The following PRKCZ variants were observed in gnomAD, a reference collection of about 807,000 sequenced individuals.
The protein encoded by PRKCZ is protein kinase C zeta, also known as protein kinase C zeta type.
A neutral mutation model predicts 79.5 loss-of-function variants in PRKCZ; 33 were observed. That is an observed-to-expected ratio of 0.41 (90% CI 0.31 to 0.55). PRKCZ has a LOEUF of 0.55. Among genes scored for constraint, PRKCZ ranks in the 20% least tolerant of loss-of-function variants. PRKCZ has a pLI of 0.19. For missense variants in PRKCZ, 578 were observed against 813.5 expected (o/e 0.71, Z 3.52); for synonymous variants, 342 against 320.9 (o/e 1.07, Z -0.70).
At chr1:2,169,666 C>G in intron 11 of PRKCZ, 62 bp downstream of exon 11, 10 of 444,762 alleles carry the variant, frequency 2.2e-5, no homozygotes, top group Non-Finnish European at 3.3e-5. Flanking sequence ...TGGGTGCGTG[C>G]GGTGTTGGGG....
rs139801268 is a variant in PRKCZ at position 2,160,874 on chromosome 1, G to A, written c.974+4782G>A. ...CGCCCCGCCGGGGGTGATTGTGGTT[G>A]TGGGTGTGTGAGAAAGAGGTGAGGG... On this transcript the variant is annotated intron_variant, in intron 10 of 17. Transcript: ENST00000378567. 3.4e-3 allele frequency among the ~76,000 whole-genome samples: 515 copies of A among 152,258 alleles called. 4 individuals carry two copies. Among genetic ancestry groups the A allele is most frequent in the African/African-American group, 0.012 (487 of 41,550 alleles).
At chr1:2,071,491 A>G (rs972913525) in intron 4 of PRKCZ, 40 of 196,064 alleles carry the variant, frequency 2.0e-4, no homozygotes, top group Admixed American at 1.0e-3. Flanking sequence ...ATTCCCTGGT[A>G]TTTATAGGTA....
intron 4 of PRKCZ, among the ~76,000 whole-genome samples, chr1:2,087,796 T>C (rs1008368819): frequency 6.6e-6 from 1 of 152,114 alleles, no homozygotes; most frequent in Non-Finnish European, 1.5e-5. Context: ...TAACAGAAAA[T>C]GCCCGACTCT....
intron 10 of PRKCZ, among the ~76,000 whole-genome samples, chr1:2,163,737 A>G (rs1342828875): frequency 6.7e-6 from 1 of 150,016 alleles, no homozygotes; most frequent in African/African-American, 2.4e-5. Context: ...AAAAATACAA[A>G]AAAAAAAAAA....
chr1:2,161,626 C>T (rs989157768), intron 10 of PRKCZ, among the ~76,000 whole-genome samples: 1 of 152,166 alleles, frequency 6.6e-6, no homozygotes, highest in Non-Finnish European at 1.5e-5. Flanking sequence ...AGGCACTGGC[C>T]GCTCTTAGAA....
intron 16 of PRKCZ, among the ~76,000 whole-genome samples, chr1:2,179,787 C>G (rs1356504935): frequency 2.0e-5 from 3 of 152,130 alleles, no homozygotes; most frequent in Non-Finnish European, 4.4e-5. Flanking sequence ...GACTCTAATG[C>G]TTCGTGTGGT....
chr1:2,172,367 A>G lies in PRKCZ; in HGVS notation c.1264A>G (p.Ile422Val), dbSNP rs748597750. ...CGTPNYIAPE[I>V]LRGEEYGFSV... is the part of the protein sequence containing the mutation. ...AACCCCGAATTACATCGCCCCCGAA[A>G]TCCTGCGGGGAGAGGAGTACGGTGA... is the stretch of plus-strand genomic sequence containing the variant. The change falls in exon 13 of 18, where the codon ATC becomes GTC. Residue 422 changes from isoleucine (I) to valine (V), a missense_variant. By Grantham distance (29) the Ile-to-Val change is conservative. Transcript: ENST00000378567. This position sits in a 1 kb window ranked among gnomAD's most constrained non-coding sequence, Gnocchi z 7.8. 6.2e-7 allele frequency: 1 copy of G among 1,613,290 alleles called. No homozygotes were observed. Among genetic ancestry groups the G allele is most frequent in the South Asian group, 1.1e-5 (1 of 91,064 alleles).
intron 4 of PRKCZ, chr1:2,104,853 G>C (rs1668107645): frequency 1.0e-6 from 1 of 985,580 alleles, no homozygotes; most frequent in Non-Finnish European, 1.2e-6. Flanking sequence ...GCGGGGACTG[G>C]TGAGTGTGTG....
intron 4 of PRKCZ, among the ~76,000 whole-genome samples, chr1:2,098,133 A>G (rs114132219): frequency 1.2e-4 from 1 of 8,044 alleles, no homozygotes; most frequent in East Asian, 5.2e-3. Context: ...GTGACTAAGG[A>G]CAGAGCAGGT....
intron 10 of PRKCZ, chr1:2,169,226 TC>T: frequency 2.0e-6 from 1 of 490,990 alleles, no homozygotes; most frequent in Non-Finnish European, 4.0e-6. Context: ...ACGGGCCACC[TC>T]CTTCATTCCG....
chr1:2,073,873 G>A (rs1186943845), intron 4 of PRKCZ: 27 of 1,093,162 alleles, frequency 2.5e-5, no homozygotes, highest in South Asian at 9.5e-5. Context: ...CTCCCTGCAC[G>A]CCCGCCGCGC....
At chr1:2,060,672 G>A (rs538823513) in intron 4 of PRKCZ, among the ~76,000 whole-genome samples, 2 of 152,256 alleles carry the variant, frequency 1.3e-5, no homozygotes, top group Admixed American at 6.5e-5. Flanking sequence ...CGGCAAGGCC[G>A]AGGAGCCATC....
At chr1:2,131,489 G>C (rs903349693) in intron 4 of PRKCZ, among the ~76,000 whole-genome samples, 7 of 152,130 alleles carry the variant, frequency 4.6e-5, no homozygotes, top group Admixed American at 1.3e-4. Flanking sequence ...AAAGTGAGAT[G>C]GGATATTTGA....
chr1:2,062,894 A>G (rs1236540768), intron 4 of PRKCZ, among the ~76,000 whole-genome samples: 4 of 152,008 alleles, frequency 2.6e-5, no homozygotes, highest in Admixed American at 6.6e-5. Context: ...TCATCTTCCC[A>G]GACTCAGCCT....
intron 4 of PRKCZ, among the ~76,000 whole-genome samples, chr1:2,112,660 C>T (rs932819217): frequency 1.1e-4 from 16 of 142,886 alleles, no homozygotes; most frequent in African/African-American, 4.3e-4. Flanking sequence ...AGTTGCAGTT[C>T]CGTTTTTTTG....
intron 4 of PRKCZ, among the ~76,000 whole-genome samples, chr1:2,124,635 G>A (rs980881048): frequency 6.6e-6 from 1 of 152,132 alleles, no homozygotes; most frequent in Non-Finnish European, 1.5e-5. Flanking sequence ...CACTTAAGCC[G>A]CCCAGTCTGT....
chr1:2,126,711 A>G (rs1355005759), intron 4 of PRKCZ, among the ~76,000 whole-genome samples: 3 of 152,160 alleles, frequency 2.0e-5, no homozygotes, highest in Non-Finnish European at 4.4e-5. Context: ...CTCCACCACG[A>G]GGGGACCTGA....
At chr1:2,098,253 G>A (rs962175947) in intron 4 of PRKCZ, 2 of 152,254 alleles carry the variant, frequency 1.3e-5, no homozygotes, top group South Asian at 4.1e-4. Context: ...TAACCATACG[G>A]ATACATTGCT....
intron 4 of PRKCZ, among the ~76,000 whole-genome samples, chr1:2,069,830 T>C (rs1661421607): frequency 1.3e-5 from 2 of 152,196 alleles, no homozygotes; most frequent in Non-Finnish European, 2.9e-5. Flanking sequence ...CTGCTGCTGC[T>C]GCAATCCAGA....
Sources: allele counts gnomAD v4.1 joint callset (sites outside exome capture counted in the v4.1 genomes callset), GRCh38; gene constraint gnomAD v4.1.1; non-coding constraint Gnocchi (gnomAD v3.1); transcripts MANE v1.5; gene names NCBI Gene and HGNC (gene_info 2026-07-23, HGNC 2026-07-21).